The following VPS13B variants were observed in gnomAD, a reference collection of about 807,000 sequenced individuals.
The protein encoded by VPS13B is vacuolar protein sorting 13 homolog B, also known as intermembrane lipid transfer protein VPS13B.
VPS13B carries 285 observed loss-of-function variants against 426.4 expected under a neutral mutation model. The ratio of observed to expected loss-of-function variants is 0.67; its 90% CI spans 0.61 to 0.74. VPS13B has a LOEUF of 0.74. Among genes scored for constraint, VPS13B ranks in the 30% least tolerant of loss-of-function variants. The pLI is 0.00. For missense variants in VPS13B, 4,537 were observed against 4,782.6 expected, an observed-to-expected ratio of 0.95 and a Z score of 1.51; for synonymous variants, 1,676 against 1,676.4, an observed-to-expected ratio of 1.00 and a Z score of 0.01.
chr8:99,246,967 CCTTT>C (rs1007938508), intron 17 of VPS13B, among the ~76,000 whole-genome samples: 1 of 152,048 alleles, frequency 6.6e-6, no homozygotes, highest in Non-Finnish European at 1.5e-5. Context: ...TTTTTGATTA[CCTTT>C]CTATTTCTTG....
intron 30 of VPS13B, among the ~76,000 whole-genome samples, chr8:99,521,799 T>C (rs1822390676): frequency 6.6e-6 from 1 of 152,222 alleles, no homozygotes; most frequent in Non-Finnish European, 1.5e-5. Context: ...TAGGAAAAGA[T>C]TCTAATTTTG....
intron 19 of VPS13B, among the ~76,000 whole-genome samples, chr8:99,314,116 C>T (rs1241678031): frequency 6.6e-5 from 10 of 152,162 alleles, no homozygotes; most frequent in Non-Finnish European, 1.5e-4. Flanking sequence ...TTGCGCTTCC[C>T]TGGTGAGGCG....
chr8:99,650,988 A>T (rs1829793433), intron 34 of VPS13B, among the ~76,000 whole-genome samples: 1 of 152,174 alleles, frequency 6.6e-6, no homozygotes, highest in Admixed American at 6.5e-5. Context: ...TATTCTCGAG[A>T]TGATTTAAAG....
intron 33 of VPS13B, among the ~76,000 whole-genome samples, chr8:99,633,950 C>T (rs1359859814): frequency 6.6e-6 from 1 of 151,868 alleles, no homozygotes; most frequent in African/African-American, 2.4e-5. Flanking sequence ...CAACCTATTC[C>T]TATTCACTAT....
chr8:99,340,296 A>G (rs1319706483), intron 19 of VPS13B: 2 of 290,164 alleles, frequency 6.9e-6, no homozygotes, highest in African/African-American at 2.3e-5. Flanking sequence ...TTACAGACCC[A>G]TCAACACTTT....
intron 35 of VPS13B, among the ~76,000 whole-genome samples, chr8:99,682,791 T>C (rs1035695997): frequency 1.3e-5 from 2 of 152,156 alleles, no homozygotes; most frequent in Non-Finnish European, 2.9e-5. Flanking sequence ...CTCTATAACC[T>C]GCCAGGCTTG....
At chr8:99,050,852 A>G (rs1027461365) in intron 3 of VPS13B, among the ~76,000 whole-genome samples, 6 of 152,018 alleles carry the variant, frequency 3.9e-5, no homozygotes, top group Non-Finnish European at 8.8e-5. Context: ...GTGTCTGTTC[A>G]TATGCTTTGC....
intron 2 of VPS13B, among the ~76,000 whole-genome samples, chr8:99,022,044 A>T (rs1841921710): frequency 6.6e-6 from 1 of 151,848 alleles, no homozygotes; most frequent in Non-Finnish European, 1.5e-5. Context: ...TATTAATTTT[A>T]TTAATATTTT....
rs1285883187 is a variant in VPS13B at position 99,013,817 on chromosome 8, T to C, written c.29T>C (p.Leu10Ser). ...CTGGAGTCATATGTAACTCCAATTT[T>C]AATGAGCTATGTGAATCGCTACATC... MLESYVTPI[L>S]MSYVNRYIKN... is the part of the protein sequence containing the mutation. Residue 10 changes from leucine (L) to serine (S), a missense_variant, in exon 2 of 62, where the codon TTA (leucine) becomes TCA (serine). Leu to Ser is a moderately radical substitution (Grantham distance 145). Around this residue, in one of 2 missense-constraint regions of VPS13B, gnomAD observed 226 missense variants for 308.3 expected, o/e 0.73. Transcript: ENST00000357162. 1 of 1,614,218 alleles carries C rather than the reference T, an allele frequency of 6.2e-7. No homozygotes were observed. The highest frequency in any genetic ancestry group is 1.1e-5 in the South Asian group (1 of 91,086).
At chr8:99,693,080 G>A (rs1385078037) in intron 35 of VPS13B, among the ~76,000 whole-genome samples, 1 of 139,626 alleles carries the variant, frequency 7.2e-6, no homozygotes, top group Non-Finnish European at 1.5e-5. Context: ...AAGAGTCCAG[G>A]ACCAGATGGA....
At chr8:99,015,551 A>G (rs1479043572) in intron 2 of VPS13B, among the ~76,000 whole-genome samples, 3 of 141,068 alleles carry the variant, frequency 2.1e-5, no homozygotes, top group African/African-American at 8.0e-5. Context: ...CACCTGTGCA[A>G]CTACTGTCCA....
At chr8:99,597,280 G>A (rs1318378257) in intron 33 of VPS13B, among the ~76,000 whole-genome samples, 1 of 151,974 alleles carries the variant, frequency 6.6e-6, no homozygotes, top group African/African-American at 2.4e-5. Context: ...GCCCAGACAA[G>A]GATAGTGTTT....
At chr8:99,640,058 A>C (rs1260555956) in intron 33 of VPS13B, among the ~76,000 whole-genome samples, 1 of 68,434 alleles carries the variant, frequency 1.5e-5, no homozygotes, top group African/African-American at 5.7e-5. Flanking sequence ...AGAGAAAAGA[A>C]AAGAAAAGAA....
intron 3 of VPS13B, among the ~76,000 whole-genome samples, chr8:99,049,291 T>C (rs1283730173): frequency 6.6e-6 from 1 of 152,104 alleles, no homozygotes; most frequent in Admixed American, 6.6e-5. Context: ...TCTGTTTTGA[T>C]ATGTTTCCAG....
At chr8:99,841,694 C>G (rs572510817) in intron 54 of VPS13B, among the ~76,000 whole-genome samples, 49 of 152,190 alleles carry the variant, frequency 3.2e-4, no homozygotes, top group Non-Finnish European at 6.3e-4. Flanking sequence ...TCCTTTCTCT[C>G]TGATCCTCCA....
chr8:99,421,911 G>A (rs1816398290), intron 21 of VPS13B, among the ~76,000 whole-genome samples: 1 of 151,996 alleles, frequency 6.6e-6, no homozygotes, highest in Admixed American at 6.6e-5. Flanking sequence ...TGAACCCCTG[G>A]GTTCAAGCAA....
chr8:99,140,953 A>C (rs1485510785), intron 12 of VPS13B, among the ~76,000 whole-genome samples: 1 of 152,148 alleles, frequency 6.6e-6, no homozygotes, highest in Non-Finnish European at 1.5e-5. Flanking sequence ...TAATGTTGTA[A>C]TGACTACCTT....
chr8:99,589,739 T>A (rs1043563919), intron 33 of VPS13B, among the ~76,000 whole-genome samples: 6 of 151,912 alleles, frequency 3.9e-5, no homozygotes, highest in Non-Finnish European at 7.4e-5. Flanking sequence ...GATGGCTGGG[T>A]CAAATGGTAT....
chr8:99,628,108 G>A (rs1040368562), intron 33 of VPS13B, among the ~76,000 whole-genome samples: 3 of 152,156 alleles, frequency 2.0e-5, no homozygotes, highest in Admixed American at 6.5e-5. Context: ...TTTTAACTCC[G>A]TGTCGACTAA....
Sources: allele counts gnomAD v4.1 joint callset (sites outside exome capture counted in the v4.1 genomes callset), GRCh38; gene constraint gnomAD v4.1.1; regional missense constraint gnomAD v4.1.1; transcripts MANE v1.5; gene names NCBI Gene and HGNC (gene_info 2026-07-23, HGNC 2026-07-21).